Variants in ATP11A observed in about 807,000 individuals in gnomAD.
ATP11A encodes ATPase phospholipid transporting 11A, also known as phospholipid-transporting ATPase IH.
ATP11A carries 81 observed loss-of-function variants against 154.4 expected under a neutral mutation model. The observed-to-expected ratio is 0.52, with a 90% CI of 0.44 to 0.63. The LOEUF is 0.63. Among genes scored for constraint, ATP11A ranks in the 30% least tolerant of loss-of-function variants. The pLI, the probability that ATP11A is intolerant of heterozygous loss-of-function variation, is 0.00. For synonymous variants in ATP11A, 623 were observed against 585.9 expected (o/e 1.06, Z -0.91); for missense variants, 1,316 against 1,474.3 (o/e 0.89, Z 1.76).
rs193171661 is a variant in ATP11A, at chr13:112,785,329, G to A, written c.162+72G>A. On this transcript the variant is annotated intron_variant, in intron 2 of 29. Coordinates refer to ENST00000375645, the MANE Select transcript of ATP11A (RefSeq NM_015205.3). This position sits in a 1 kb window ranked among gnomAD's most constrained non-coding sequence, Gnocchi z 4.8. ...CTGCCGGGGGGTGTTAGTGCTTCTC[G>A]GTTTCAAAGAGCGGCTCTGCTCCTG... 9.7e-6 allele frequency: 13 copies of A among 1,345,168 alleles called. No homozygotes were observed. The highest frequency in any genetic ancestry group is 4.0e-4 in the Middle Eastern group (2 of 4,998). The allele number at this position is 1,345,168 out of a possible 1,614,324, so 83.3% of individuals were successfully genotyped here.
chr13:112,754,064 G>T lies in ATP11A; in HGVS notation c.40-31071G>T, dbSNP rs564589495. On this transcript the variant is annotated intron_variant, in intron 1 of 29. Transcript: ENST00000375645. The surrounding 1 kb of genome is among the most constrained non-coding windows in gnomAD (Gnocchi z 5.3). ...CGTCGCTGTCTCACCGTGGTCCCCAGTGTTTTGGGATTGAGGAGGGGTTCG... is the reference window on the plus strand; with the variant it reads ...CGTCGCTGTCTCACCGTGGTCCCCATTGTTTTGGGATTGAGGAGGGGTTCG... Among the ~76,000 whole-genome samples the T allele has an allele frequency of 1.3e-5, 2 of 152,332 alleles. No individual in the cohort carries two copies. Among genetic ancestry groups the T allele is most frequent in the African/African-American group, 4.8e-5 (2 of 41,570 alleles).
In ATP11A at chr13:112,885,740, C is replaced by T. The variant is rs957909615; in HGVS notation, c.*3874C>T. ...CCTGGTGTCCTGCACTGCATCCTGCCTCCTTGCTGAGGGGCCCCTGTGAGA... is the reference window on the plus strand; with the variant it reads ...CCTGGTGTCCTGCACTGCATCCTGCTTCCTTGCTGAGGGGCCCCTGTGAGA... On this transcript the variant is annotated 3_prime_UTR_variant, in exon 30 of 30. Coordinates refer to ENST00000375645, the MANE Select transcript of ATP11A (RefSeq NM_015205.3). 4 of 152,370 alleles carry T rather than the reference C, an allele frequency of 2.6e-5. No homozygotes were observed. Among genetic ancestry groups the T allele is most frequent in the Admixed American group, 6.5e-5 (1 of 15,288 alleles). 9.4% of individuals were successfully genotyped at this position (152,370 alleles called of 1,614,324 possible).
intron 3 of ATP11A, 40 bp downstream of exon 3, chr13:112,805,086 T>C: frequency 6.9e-7 from 1 of 1,443,546 alleles, no homozygotes; most frequent in Non-Finnish European, 9.6e-7. Context: ...CACATATAAA[T>C]CTAAATAAGT....
intron 17 of ATP11A, among the ~76,000 whole-genome samples, chr13:112,848,128 A>T (rs933564968): frequency 6.6e-6 from 1 of 152,166 alleles, no homozygotes; most frequent in Non-Finnish European, 1.5e-5. Flanking sequence ...GGGAAGAGCC[A>T]TTGGGATGTT....
At chr13:112,862,883 C>T (rs1388893382) in intron 25 of ATP11A, among the ~76,000 whole-genome samples, 29 of 146,748 alleles carry the variant, frequency 2.0e-4, no homozygotes, top group Admixed American at 5.4e-4. Flanking sequence ...TAATTCAGTG[C>T]AGCCCATGCA....
At chr13:112,719,992 G>C (rs895076608) in intron 1 of ATP11A, among the ~76,000 whole-genome samples, 2 of 152,234 alleles carry the variant, frequency 1.3e-5, no homozygotes, top group African/African-American at 2.4e-5. Context: ...CTTTGCAGCA[G>C]TATCTGTTGT....
intron 2 of ATP11A, among the ~76,000 whole-genome samples, chr13:112,793,692 G>A: frequency 6.6e-6 from 1 of 152,222 alleles, no homozygotes; most frequent in East Asian, 1.9e-4. Context: ...CCTTTTTCAG[G>A]ACTGTCAGGT....
rs760734755 is a variant in ATP11A at position 112,859,359 on chromosome 13, G to A, written c.2668-34G>A. On this transcript the variant is annotated intron_variant, in intron 22 of 29. Coordinates refer to ENST00000375645, the MANE Select transcript of ATP11A (RefSeq NM_015205.3). The surrounding 1 kb of genome is among the most constrained non-coding windows in gnomAD (Gnocchi z 4.3). The stretch of plus-strand genomic sequence containing the variant: ...GGTGGCGGCTGCCTCCCTCTGTCCC[G>A]TCACCGAACTAACAGTTATGCCTTG... 1.3e-5 allele frequency: 21 copies of A among 1,602,488 alleles called. No individual in the cohort carries two copies. The highest frequency in any genetic ancestry group is 7.7e-5 in the South Asian group (7 of 90,838).
At chr13:112,703,374 TC>T (rs1000847607) in intron 1 of ATP11A, 2 of 152,206 alleles carry the variant, frequency 1.3e-5, no homozygotes, top group African/African-American at 4.8e-5. Flanking sequence ...AATCTTCAGG[TC>T]CAATCACATT....
chr13:112,701,847 C>T (rs974358494), intron 1 of ATP11A, among the ~76,000 whole-genome samples: 5 of 152,066 alleles, frequency 3.3e-5, no homozygotes, highest in Middle Eastern at 6.8e-3. Context: ...ATAACCCCAG[C>T]AATGGACTGA....
chr13:112,831,367 G>A lies in ATP11A; in HGVS notation c.1222-8G>A. 2 of 1,612,960 alleles carry A rather than the reference G, an allele frequency of 1.2e-6. No homozygotes were observed. Among genetic ancestry groups the A allele is most frequent in the Non-Finnish European group, 1.7e-6 (2 of 1,179,048 alleles). On this transcript the variant is annotated splice_region_variant and splice_polypyrimidine_tract_variant and intron_variant, in intron 12 of 29. Coordinates refer to ENST00000375645, the MANE Select transcript of ATP11A (RefSeq NM_015205.3). ...AGAGCGCCCTGACTTGCTGTGCCCT[G>A]CCCGCAGGTGGAGTACATCTTCACA...
At chr13:112,810,210 T>G (rs1175177793) in intron 4 of ATP11A, among the ~76,000 whole-genome samples, 2 of 152,244 alleles carry the variant, frequency 1.3e-5, no homozygotes, top group Non-Finnish European at 2.9e-5. Flanking sequence ...GAAATGTAAC[T>G]GGCTCCACGT....
Position 112,695,495 on chromosome 13 carries a change from C to G in ATP11A, c.39+5040C>G, listed in dbSNP as rs550437612. Among the ~76,000 whole-genome samples, 8 of 152,284 alleles carry G rather than the reference C, an allele frequency of 5.3e-5. 1 individual carries two copies. The South Asian group carries it at 1.7e-3, about 32-fold the overall frequency. On this transcript the variant is annotated intron_variant, in intron 1 of 29. Coordinates refer to ENST00000375645, the MANE Select transcript of ATP11A (RefSeq NM_015205.3). The stretch of plus-strand genomic sequence containing the variant: ...AATCATTTCCATTGCTTTTTGGAAC[C>G]CTGTTGAATATCTGCTTATTAGGAA...
chr13:112,813,293 TC>T lies in ATP11A; in HGVS notation c.441+2569del, dbSNP rs1242459840. Among the ~76,000 whole-genome samples, 26 of 152,330 alleles carry T rather than the reference TC, an allele frequency of 1.7e-4. No individual in the cohort carries two copies. The East Asian group carries it at 4.8e-3, about 28-fold the overall frequency. On this transcript the variant is annotated intron_variant, in intron 5 of 29. Transcript: ENST00000375645. ...GAAATAAAACACAGGCATCCTGTGTTCCATTTGCTCGGATGTGCTGCCCAGC... is the reference window on the plus strand; with the variant it reads ...GAAATAAAACACAGGCATCCTGTGTTCATTTGCTCGGATGTGCTGCCCAGC...
At chr13:112,858,448 T>A (rs1485604263) in intron 22 of ATP11A, 158 bp downstream of exon 22, 1 of 779,720 alleles carries the variant, frequency 1.3e-6, no homozygotes, top group Admixed American at 3.5e-5. Context: ...CAGTCATCTC[T>A]TGCTTAGCTG....
Position 112,859,028 on chromosome 13 carries a change from C to G in ATP11A, c.2668-365C>G, listed in dbSNP as rs370368853. On this transcript the variant is annotated intron_variant, in intron 22 of 29. Coordinates refer to ENST00000375645, the MANE Select transcript of ATP11A (RefSeq NM_015205.3). The surrounding 1 kb of genome is among the most constrained non-coding windows in gnomAD (Gnocchi z 4.3). Reference sequence around the variant, plus strand: ...GGAGACCCCCAGCCCTTTTCTCCCCCCACAGAATTGAGTGTGGAACCAGTG... The same window carrying G: ...GGAGACCCCCAGCCCTTTTCTCCCCGCACAGAATTGAGTGTGGAACCAGTG... The G allele has an allele frequency of 1.1e-5, 3 of 284,740 alleles. No homozygotes were observed. The highest frequency in any genetic ancestry group is 9.8e-5 in the East Asian group (1 of 10,228). 17.6% of individuals were successfully genotyped at this position (284,740 alleles called of 1,614,324 possible).
chr13:112,830,200 T>A (rs1244365227), intron 12 of ATP11A, among the ~76,000 whole-genome samples: 2 of 152,268 alleles, frequency 1.3e-5, no homozygotes, highest in African/African-American at 4.8e-5. Context: ...ATATGCCACC[T>A]ATTTAGTTAT....
chr13:112,794,097 A>G (rs990309840), intron 2 of ATP11A, among the ~76,000 whole-genome samples: 1 of 152,198 alleles, frequency 6.6e-6, no homozygotes, highest in African/African-American at 2.4e-5. Context: ...TTTGGAGGTG[A>G]AGAGAGGTGC....
At chr13:112,786,928 C>T (rs61963788) in intron 2 of ATP11A, among the ~76,000 whole-genome samples, 55 of 125,498 alleles carry the variant, frequency 4.4e-4, no homozygotes, top group East Asian at 3.3e-3. Flanking sequence ...GGTGTCCTGA[C>T]GTGTAGACCC....
Sources: allele counts gnomAD v4.1 joint callset (sites outside exome capture counted in the v4.1 genomes callset), GRCh38; gene constraint gnomAD v4.1.1; non-coding constraint Gnocchi (gnomAD v3.1); transcripts MANE v1.5; gene names NCBI Gene and HGNC (gene_info 2026-07-23, HGNC 2026-07-21).